Variants in FCHO1 observed in about 807,000 individuals in gnomAD.
FCHO1 encodes FCH and mu domain containing endocytic adaptor 1.
In FCHO1, 45 loss-of-function variants were observed where a neutral mutation model predicts 114.4. The observed-to-expected ratio is 0.39, with a 90% CI of 0.31 to 0.50. FCHO1 has a LOEUF of 0.50. Ranked by LOEUF, FCHO1 falls within the 20% of genes least tolerant of loss-of-function variation. The probability of loss-of-function intolerance (pLI) is 0.77; values close to 1 mark genes in which losing one functional copy is unlikely to be tolerated. For missense variants in FCHO1, 1,042 were observed against 1,209.6 expected (o/e 0.86, Z 2.06); for synonymous variants, 480 against 488.9 (o/e 0.98, Z 0.24).
At chr19:17,785,291 C>T (rs1361815695) in intron 26 of FCHO1, among the ~76,000 whole-genome samples, 1 of 152,182 alleles carries the variant, frequency 6.6e-6, no homozygotes, top group Non-Finnish European at 1.5e-5. Context: ...ACGATCTCAG[C>T]TCACTGCAAT....
intron 28 of FCHO1, 140 bp downstream of exon 28, chr19:17,787,986 G>T: frequency 9.5e-7 from 1 of 1,051,030 alleles, no homozygotes; most frequent in Non-Finnish European, 1.4e-6. Context: ...CCCAGATGGG[G>T]GGCACAGGTG....
At chr19:17,763,583 T>TC (rs1412340411) in intron 5 of FCHO1, among the ~76,000 whole-genome samples, 1 of 148,896 alleles carries the variant, frequency 6.7e-6, no homozygotes, top group Non-Finnish European at 1.5e-5. Flanking sequence ...TTTTTTCTTT[T>TC]TGGAGACAGA....
chr19:17,778,532 G>T, intron 19 of FCHO1, 77 bp from the exon 20 acceptor site: 1 of 1,445,314 alleles, frequency 6.9e-7, no homozygotes, highest in Non-Finnish European at 9.1e-7. Flanking sequence ...CCTCGACGTG[G>T]CCGTGGCCTG....
Position 17,768,724 on chromosome 19 carries a change from G to GAGA in FCHO1, c.337-1701_337-1700insAGA, listed in dbSNP as rs71162197. ...CAAAACAAGGCAAAAAAAAAAAAAA[G>GAGA]GAGAGAGAGAAGGGGTCCTGCTGTG... On this transcript the variant is annotated intron_variant, in intron 7 of 28. Transcript: ENST00000596536. Among the ~76,000 whole-genome samples the GAGA allele has an allele frequency of 4.9e-5, 7 of 141,472 alleles. No individual in the cohort carries two copies. The East Asian group carries it at 1.2e-3, about 25-fold the overall frequency. 92.8% of individuals were successfully genotyped at this position (141,472 alleles called of 152,430 possible).
At chr19:17,752,240 GTAT>G (rs2082145364) in intron 1 of FCHO1, 1 of 151,934 alleles carries the variant, frequency 6.6e-6, no homozygotes, top group Non-Finnish European at 1.5e-5. Context: ...ATGTATGTAT[GTAT>G]GTATGTATGT....
At chr19:17,769,510 C>T (rs894762762) in intron 7 of FCHO1, among the ~76,000 whole-genome samples, 21 of 151,180 alleles carry the variant, frequency 1.4e-4, no homozygotes, top group Middle Eastern at 3.5e-3. Context: ...ACCCGGGAGG[C>T]GGAGCTTGCA....
rs866688724 is a variant in FCHO1, at chr19:17,775,812, G to T, written c.1004-171G>T. Among the ~76,000 whole-genome samples, 4 of 152,054 alleles carry T rather than the reference G, an allele frequency of 2.6e-5. No homozygotes were observed. The highest frequency in any genetic ancestry group is 2.1e-4 in the South Asian group (1 of 4,816). On this transcript the variant is annotated intron_variant, in intron 15 of 28. Coordinates refer to ENST00000596536, the MANE Select transcript of FCHO1 (RefSeq NM_015122.3). The surrounding 1 kb of genome is among the most constrained non-coding windows in gnomAD (Gnocchi z 5.1). ...ATGCTTGTGCAAAGGCTTCTCGGGG[G>T]GGGTGGGAGTGCTGGTGGGACATGG... is the stretch of plus-strand genomic sequence containing the variant.
At chr19:17,774,579 T>C in intron 13 of FCHO1, 101 bp downstream of exon 13, 1 of 903,304 alleles carries the variant, frequency 1.1e-6, no homozygotes, top group East Asian at 2.6e-5. Context: ...CCCAGGAGTA[T>C]CCATATTCCA....
At position 17,775,333 on chromosome 19, in the gene FCHO1, C is replaced by T. The variant is rs2092469600; in HGVS notation, c.946-123C>T. On this transcript the variant is annotated intron_variant, in intron 14 of 28. Coordinates refer to ENST00000596536, the MANE Select transcript of FCHO1 (RefSeq NM_015122.3). The surrounding 1 kb of genome is among the most constrained non-coding windows in gnomAD (Gnocchi z 5.1). ...CACACCCAGGGAAGACAGTCGTTGC[C>T]ATCAGGGTTGGTTTTGAGGTCTGAG... 1 of 1,010,514 alleles carries T rather than the reference C, an allele frequency of 9.9e-7. No homozygotes were observed. 62.6% of individuals were successfully genotyped at this position (1,010,514 alleles called of 1,614,324 possible).
At position 17,784,354 on chromosome 19, in the gene FCHO1, G is replaced by A. The variant is rs1418505511; in HGVS notation, c.2226+119G>A. 1.7e-5 allele frequency: 22 copies of A among 1,286,468 alleles called. No individual in the cohort carries two copies. Among genetic ancestry groups the A allele is most frequent in the Non-Finnish European group, 2.2e-5 (21 of 939,516 alleles). The allele number at this position is 1,286,468 out of a possible 1,614,324, so 79.7% of individuals were successfully genotyped here. Reference sequence around the variant, plus strand: ...TGGTCTCGAATTCCTGACCTCAAGAGATCCAATCTGTGAGAGCCGATGAGC... The same window carrying A: ...TGGTCTCGAATTCCTGACCTCAAGAAATCCAATCTGTGAGAGCCGATGAGC... On this transcript the variant is annotated intron_variant, in intron 25 of 28. Coordinates refer to ENST00000596536, the MANE Select transcript of FCHO1 (RefSeq NM_015122.3). The surrounding 1 kb of genome is among the most constrained non-coding windows in gnomAD (Gnocchi z 5.3).
chr19:17,763,571 TTTTTTTTC>T (rs1476697540), intron 5 of FCHO1, among the ~76,000 whole-genome samples: 1 of 145,632 alleles, frequency 6.9e-6, no homozygotes, highest in Non-Finnish European at 1.5e-5. Flanking sequence ...GCCTTTTTTT[TTTTTTTTC>T]TTTTTGGAGA....
upstream of FCHO1, among the ~76,000 whole-genome samples, chr19:17,751,313 G>A (rs1374927653): frequency 2.0e-5 from 3 of 152,152 alleles, no homozygotes; most frequent in Admixed American, 6.5e-5. This position sits in a 1 kb window ranked among gnomAD's most constrained non-coding sequence, Gnocchi z 4.4. Context: ...ACAGCTCCAG[G>A]TTCAGGCCGG....
chr19:17,784,947 G>T lies in FCHO1; in HGVS notation c.2426+23G>T. ...CTGGTGAGGGCTTGCGGGAGGCCAA[G>T]GAAAACTCAGCAGTTTCCCCCATAA... On this transcript the variant is annotated intron_variant, in intron 26 of 28. Coordinates refer to ENST00000596536, the MANE Select transcript of FCHO1 (RefSeq NM_015122.3). This position sits in a 1 kb window ranked among gnomAD's most constrained non-coding sequence, Gnocchi z 5.3. 1 of 1,604,286 alleles carries T rather than the reference G, an allele frequency of 6.2e-7. No homozygotes were observed.
chr19:17,777,267 C>T (rs1044130478), intron 18 of FCHO1, among the ~76,000 whole-genome samples: 18 of 151,812 alleles, frequency 1.2e-4, no homozygotes, highest in African/African-American at 3.1e-4. Context: ...CCAGGCGTGG[C>T]GGCTCACGCC....
In FCHO1 at chr19:17,775,972, C is replaced by T. The variant is rs1262171054; in HGVS notation, c.1004-11C>T. The T allele has an allele frequency of 1.9e-6, 3 of 1,604,532 alleles. No homozygotes were observed. The highest frequency in any genetic ancestry group is 8.5e-7 in the Non-Finnish European group (1 of 1,179,188). On this transcript the variant is annotated splice_polypyrimidine_tract_variant and intron_variant, in intron 15 of 28. Transcript: ENST00000596536. This position sits in a 1 kb window ranked among gnomAD's most constrained non-coding sequence, Gnocchi z 5.1. ...GTGTTGGGATTGGCTTGGACCTTGA[C>T]TGCAGCCCACGCACGGCCGAGCCCT...
chr19:17,773,552 C>A (rs1226939570), intron 11 of FCHO1, among the ~76,000 whole-genome samples: 3 of 152,198 alleles, frequency 2.0e-5, no homozygotes, highest in Admixed American at 2.0e-4. Context: ...ACACACCTTC[C>A]ATGGCTCCCC....
Position 17,766,769 on chromosome 19 carries a change from G to T in FCHO1, c.295G>T (p.Val99Phe). ...GAAGTTACAGGATCTCATCAAGGAC[G>T]TTCTCCGCTACGGCGAGGAACAGCT... ...TRKLQDLIKD[V>F]LRYGEEQLKT... is the part of the protein sequence containing the mutation. The change falls in exon 7 of 29, where the codon GTT becomes TTT. Residue 99 changes from valine (V) to phenylalanine (F), a missense_variant. Around this residue, in one of 3 missense-constraint regions of FCHO1, gnomAD observed 450 missense variants for 564.1 expected, o/e 0.80. Coordinates refer to ENST00000596536, the MANE Select transcript of FCHO1 (RefSeq NM_015122.3). 1 of 1,614,138 alleles carries T rather than the reference G, an allele frequency of 6.2e-7. No individual in the cohort carries two copies. The highest frequency in any genetic ancestry group is 1.1e-5 in the South Asian group (1 of 91,084).
intron 26 of FCHO1, among the ~76,000 whole-genome samples, chr19:17,786,313 A>G (rs540623388): frequency 1.5e-4 from 23 of 152,146 alleles, no homozygotes; most frequent in Admixed American, 1.2e-3. Flanking sequence ...AGCCGGGGCG[A>G]CAGAGGGAGA....
At position 17,776,227 on chromosome 19, in the gene FCHO1, G is replaced by A; in HGVS notation, c.1183-20G>A. On this transcript the variant is annotated intron_variant, in intron 16 of 28. Coordinates refer to ENST00000596536, the MANE Select transcript of FCHO1 (RefSeq NM_015122.3). This position sits in a 1 kb window ranked among gnomAD's most constrained non-coding sequence, Gnocchi z 4.4. ...CTGGCTGGATGCATTCGTGTGTGAT[G>A]TTGCCCACTTTGTCCACAGGGCACC... 6.2e-7 allele frequency: 1 copy of A among 1,614,126 alleles called. No homozygotes were observed.
Sources: gnomAD v4.1 joint callset for allele counts (sites outside exome capture counted in the v4.1 genomes callset) on GRCh38, gnomAD v4.1.1 for gene constraint, gnomAD v4.1.1 regional missense constraint, Gnocchi (gnomAD v3.1) non-coding constraint, MANE v1.5 for transcripts, NCBI Gene and HGNC (gene_info 2026-07-23, HGNC 2026-07-21) for gene names.